CD9: variants seen among roughly 807,000 people sequenced by gnomAD.
The protein encoded by CD9 is CD9 molecule, also known as CD9 antigen.
Under a neutral mutation model 31.4 loss-of-function variants are expected in CD9, and 10 were observed. The ratio of observed to expected loss-of-function variants is 0.32; its 90% CI spans 0.20 to 0.54. CD9 has a LOEUF of 0.54. Among genes scored for constraint, CD9 ranks in the 20% least tolerant of loss-of-function variants. The pLI, the probability that CD9 is intolerant of heterozygous loss-of-function variation, is 0.94. For synonymous variants in CD9, 113 were observed against 114.1 expected (o/e 0.99, Z 0.06); for missense variants, 259 against 300.1 (o/e 0.86, Z 1.01).
At chr12:6,204,944 A>G (rs1212190864) in intron 1 of CD9, among the ~76,000 whole-genome samples, 2 of 152,148 alleles carry the variant, frequency 1.3e-5, no homozygotes, top group Non-Finnish European at 2.9e-5. Context: ...ATGGGTTGCT[A>G]CTGCTCATTT....
intron 2 of CD9, among the ~76,000 whole-genome samples, chr12:6,229,897 C>T (rs191317740): frequency 5.3e-4 from 81 of 151,820 alleles, no homozygotes; most frequent in Admixed American, 1.7e-3. Flanking sequence ...AAATTAATAC[C>T]GTAATCCTAG....
intron 1 of CD9, among the ~76,000 whole-genome samples, chr12:6,224,079 T>C (rs1176748988): frequency 6.6e-6 from 1 of 152,194 alleles, no homozygotes; most frequent in African/African-American, 2.4e-5. Flanking sequence ...GAGAAGATGC[T>C]GAGTGACAGT....
chr12:6,218,442 C>G (rs1053875845), intron 1 of CD9, among the ~76,000 whole-genome samples: 6 of 152,176 alleles, frequency 3.9e-5, no homozygotes, highest in African/African-American at 1.2e-4. Flanking sequence ...ACCCACTGCT[C>G]TTTTCCTCTT....
intron 1 of CD9, among the ~76,000 whole-genome samples, chr12:6,224,316 G>A (rs991234499): frequency 3.3e-5 from 5 of 152,208 alleles, no homozygotes; most frequent in Non-Finnish European, 7.3e-5. Context: ...GCCCCTCGTG[G>A]TGGAAGCACA....
At chr12:6,223,590 TG>T (rs11568238) in intron 1 of CD9, among the ~76,000 whole-genome samples, 10,597 of 151,764 alleles carry the variant, frequency 0.07, 1,178 homozygotes, top group African/African-American at 0.23. Context: ...CTCAGGGACC[TG>T]GGGGGGGACC....
chr12:6,218,686 A>G (rs1946264890), intron 1 of CD9, among the ~76,000 whole-genome samples: 1 of 152,166 alleles, frequency 6.6e-6, no homozygotes. Flanking sequence ...GTTTCAGTGT[A>G]AGATTTCTGA....
At chr12:6,215,836 ACG>A (rs1489552715) in intron 1 of CD9, among the ~76,000 whole-genome samples, 1 of 152,212 alleles carries the variant, frequency 6.6e-6, no homozygotes, top group Non-Finnish European at 1.5e-5. Context: ...TTTAGTTGGG[ACG>A]CTTAAGGAGA....
intron 1 of CD9, among the ~76,000 whole-genome samples, chr12:6,212,236 C>T (rs769988045): frequency 5.9e-5 from 9 of 152,144 alleles, no homozygotes; most frequent in Non-Finnish European, 1.0e-4. Flanking sequence ...TCTGTGACCA[C>T]GGGCAAGTCG....
chr12:6,220,275 CG>C (rs1303257569), intron 1 of CD9, among the ~76,000 whole-genome samples: 6 of 152,162 alleles, frequency 3.9e-5, no homozygotes, highest in Non-Finnish European at 8.8e-5. Context: ...GCACAATGCA[CG>C]AGGCTGAACT....
chr12:6,209,937 G>A (rs886831784), intron 1 of CD9, among the ~76,000 whole-genome samples: 1 of 152,000 alleles, frequency 6.6e-6, no homozygotes, highest in Non-Finnish European at 1.5e-5. Context: ...CGCCCACCTC[G>A]GCCTTCCAAA....
intron 2 of CD9, 130 bp downstream of exon 2, chr12:6,225,664 C>A: frequency 1.6e-6 from 1 of 617,348 alleles, no homozygotes; most frequent in South Asian, 1.9e-5. Context: ...GCTGGCCAGT[C>A]GTGTCCCTTT....
In CD9 at chr12:6,235,570, A is replaced by G; in HGVS notation, c.537+5A>G. ...CTCGAAACCTTCACCGTGAAGGTAA[A>G]CTCAGACCAGGATCCTGGTGTCCCT... On this transcript the variant is annotated splice_donor_5th_base_variant and intron_variant, in intron 6 of 7. Transcript: ENST00000009180. The G allele has an allele frequency of 6.2e-7, 1 of 1,608,414 alleles. No homozygotes were observed. Among genetic ancestry groups the G allele is most frequent in the Non-Finnish European group, 8.5e-7 (1 of 1,175,936 alleles).
chr12:6,236,088 C>T (rs1023933336), intron 6 of CD9, 104 bp from the exon 7 acceptor site: 213 of 1,542,144 alleles, frequency 1.4e-4, no homozygotes, highest in Non-Finnish European at 1.8e-4. Flanking sequence ...CCAGCCCACC[C>T]TCTGCCCACC....
intron 1 of CD9, among the ~76,000 whole-genome samples, chr12:6,202,897 C>T (rs1240725261): frequency 6.6e-6 from 1 of 152,176 alleles, no homozygotes; most frequent in Non-Finnish European, 1.5e-5. Flanking sequence ...TTCCTGGGGC[C>T]CCTACTTTAC....
At chr12:6,235,195 C>T (rs777957210) in intron 4 of CD9, 34 bp from the exon 5 acceptor site, 8 of 1,423,914 alleles carry the variant, frequency 5.6e-6, no homozygotes, top group Middle Eastern at 1.8e-4. Flanking sequence ...TGTGAAAATG[C>T]CGTCTCTGCC....
rs1401799733 is a variant in CD9 at position 6,205,608 on chromosome 12, G to T, written c.66+5043G>T. 2.6e-5 allele frequency among the ~76,000 whole-genome samples: 4 copies of T among 152,266 alleles called. No individual in the cohort carries two copies. The East Asian group carries it at 7.7e-4, about 29-fold the overall frequency. ...CACACATAGATCCTGTGTTTGTTTT[G>T]TCTGCTTTTGTTTGTTTGTTTGTTT... On this transcript the variant is annotated intron_variant, in intron 1 of 7. Coordinates refer to ENST00000009180, the MANE Select transcript of CD9 (RefSeq NM_001769.4).
At chr12:6,204,984 A>G (rs905890300) in intron 1 of CD9, among the ~76,000 whole-genome samples, 2 of 152,234 alleles carry the variant, frequency 1.3e-5, no homozygotes, top group African/African-American at 4.8e-5. Context: ...TTCTGAAAAT[A>G]AAATTGCCTG....
chr12:6,231,713 T>A (rs1398335585), intron 2 of CD9, among the ~76,000 whole-genome samples: 2 of 152,196 alleles, frequency 1.3e-5, no homozygotes, highest in African/African-American at 2.4e-5. Context: ...TTCTCTCACC[T>A]CCTTTCCATG....
Position 6,221,287 on chromosome 12 carries a change from A to C in CD9, c.67-4139A>C, listed in dbSNP as rs1477885077. Among the ~76,000 whole-genome samples, 3 of 152,180 alleles carry C rather than the reference A, an allele frequency of 2.0e-5. No individual in the cohort carries two copies. The South Asian group carries it at 6.2e-4, about 31-fold the overall frequency. On this transcript the variant is annotated intron_variant, in intron 1 of 7. Transcript: ENST00000009180. ...TGGCTTTTCTTGGAAACAAAAGAGG[A>C]AACCATGGGCAGGGCCGCGAGCTGG...
Sources: gnomAD v4.1 joint callset for allele counts (sites outside exome capture counted in the v4.1 genomes callset) on GRCh38, gnomAD v4.1.1 for gene constraint, MANE v1.5 for transcripts, NCBI Gene and HGNC (gene_info 2026-07-23, HGNC 2026-07-21) for gene names.